Variants in KATNAL2 observed in about 807,000 individuals in gnomAD.
The protein encoded by KATNAL2 is katanin p60 ATPase-containing subunit A-like 2.
Under a neutral mutation model 76.3 loss-of-function variants are expected in KATNAL2, and 52 were observed. That is an observed-to-expected ratio of 0.68 (90% confidence interval 0.55 to 0.86). The LOEUF (loss-of-function observed/expected upper bound fraction) is 0.86. KATNAL2 is among the 40% of genes least tolerant of loss of function. KATNAL2 has a pLI of 0.00. For synonymous variants in KATNAL2, 243 were observed against 244.2 expected (o/e 1.00, Z 0.05); for missense variants, 660 against 668.9 (o/e 0.99, Z 0.15).
intron 3 of KATNAL2, among the ~76,000 whole-genome samples, chr18:47,042,779 CA>C (rs1426217880): frequency 6.6e-6 from 1 of 151,900 alleles, no homozygotes; most frequent in Non-Finnish European, 1.5e-5. Flanking sequence ...AAAAATAAAC[CA>C]GAGAAAAAAT....
At chr18:47,047,234 T>G (rs1343719325) in intron 4 of KATNAL2, among the ~76,000 whole-genome samples, 1 of 152,178 alleles carries the variant, frequency 6.6e-6, no homozygotes, top group Non-Finnish European at 1.5e-5. Flanking sequence ...GACTTATGCT[T>G]TTATTGCCTC....
intron 14 of KATNAL2, 102 bp downstream of exon 14, chr18:47,075,470 A>C (rs2062173274): frequency 1.2e-6 from 1 of 801,438 alleles, no homozygotes; most frequent in African/African-American, 1.8e-5. Flanking sequence ...TTACTAGCAG[A>C]ATGAGCCCAT....
At chr18:47,039,764 G>A (rs190657723) in intron 3 of KATNAL2, among the ~76,000 whole-genome samples, 1 of 152,344 alleles carries the variant, frequency 6.6e-6, no homozygotes, top group African/African-American at 2.4e-5. Context: ...AGGATAGAGA[G>A]ACTCTGAAAT....
rs563463973 is a variant in KATNAL2 at position 47,046,541 on chromosome 18, C to G, written c.122+14C>G. ...AACACAAGAAGGGTATGTTACAGTA[C>G]AAACATTTATAGAGATGATTCCTCT... On this transcript the variant is annotated intron_variant, in intron 4 of 17. Transcript: ENST00000683218. The G allele has an allele frequency of 6.7e-7, 1 of 1,496,912 alleles. No individual in the cohort carries two copies. The highest frequency in any genetic ancestry group is 2.0e-5 in the Admixed American group (1 of 50,896). 92.7% of individuals were successfully genotyped at this position (1,496,912 alleles called of 1,614,324 possible).
At chr18:47,074,427 C>A (rs1183132080) in intron 13 of KATNAL2, among the ~76,000 whole-genome samples, 3 of 152,128 alleles carry the variant, frequency 2.0e-5, no homozygotes, top group Non-Finnish European at 4.4e-5. Flanking sequence ...GAGAATAAAT[C>A]CCCCATGCCT....
At chr18:47,098,194 G>C (rs1001386362) in intron 15 of KATNAL2, 8 of 361,028 alleles carry the variant, frequency 2.2e-5, no homozygotes, top group Admixed American at 3.6e-5. Flanking sequence ...TTGCACTCCA[G>C]CCTGGCGACA....
At chr18:46,932,298 A>T (rs989828218) in intron 1 of KATNAL2, among the ~76,000 whole-genome samples, 1 of 152,338 alleles carries the variant, frequency 6.6e-6, no homozygotes, top group Middle Eastern at 3.4e-3. Context: ...TTCTGCAGAA[A>T]TTTTAAAATA....
intron 1 of KATNAL2, among the ~76,000 whole-genome samples, chr18:46,932,747 A>T (rs2058970454): frequency 6.7e-6 from 1 of 149,730 alleles, no homozygotes; most frequent in South Asian, 2.1e-4. Context: ...TGCCAAAACC[A>T]GGCAAAGGTA....
chr18:47,074,630 G>GT (rs1434567265), intron 13 of KATNAL2, among the ~76,000 whole-genome samples: 4 of 151,926 alleles, frequency 2.6e-5, no homozygotes, highest in African/African-American at 9.7e-5. Flanking sequence ...TTCTTTTGCC[G>GT]GTTGCTTTCC....
intron 15 of KATNAL2, 62 bp downstream of exon 15, chr18:47,077,523 AT>A: frequency 8.3e-7 from 1 of 1,204,214 alleles, no homozygotes; most frequent in Non-Finnish European, 1.2e-6. Context: ...GCAAATAAAA[AT>A]TTTATATTGA....
chr18:46,921,242 C>G (rs1372664687), intron 1 of KATNAL2, among the ~76,000 whole-genome samples: 1 of 152,302 alleles, frequency 6.6e-6, no homozygotes, highest in South Asian at 2.1e-4. Context: ...AATTCTCTGC[C>G]TCAGCCTCCC....
intron 15 of KATNAL2, among the ~76,000 whole-genome samples, chr18:47,084,179 C>A (rs1256523110): frequency 6.6e-6 from 1 of 152,284 alleles, no homozygotes; most frequent in Non-Finnish European, 1.5e-5. Context: ...ATTTGAAACC[C>A]GCCGGGGCAA....
intron 3 of KATNAL2, chr18:47,035,296 G>A (rs746768827): frequency 6.2e-6 from 10 of 1,611,524 alleles, no homozygotes; most frequent in East Asian, 2.2e-5. Context: ...TCGCTGTCCC[G>A]GCGGTCGCAG....
chr18:46,950,824 A>G (rs1276547731), intron 3 of KATNAL2, among the ~76,000 whole-genome samples: 1 of 152,012 alleles, frequency 6.6e-6, no homozygotes, highest in Non-Finnish European at 1.5e-5. Flanking sequence ...AGCTGGGGCT[A>G]CAGGCGCCCA....
chr18:47,083,841 G>A (rs1016116217), intron 15 of KATNAL2, among the ~76,000 whole-genome samples: 1 of 152,218 alleles, frequency 6.6e-6, no homozygotes, highest in Non-Finnish European at 1.5e-5. Context: ...TAAGGCAAAT[G>A]TCATCTTTAA....
rs1394072744 is a variant in KATNAL2, at chr18:47,025,111, C to T, written c.52-21346C>T. Among the ~76,000 whole-genome samples the T allele has an allele frequency of 4.1e-5, 4 of 97,154 alleles. No individual in the cohort carries two copies. In the Admixed American group the frequency reaches 4.5e-4, roughly 11 times the overall value. 63.7% of individuals were successfully genotyped at this position (97,154 alleles called of 152,430 possible). On this transcript the variant is annotated intron_variant, in intron 3 of 17. Transcript: ENST00000683218. ...CCTCTAGCATCTCCCCCCCCCACCC[C>T]GCCCCCAACGGTGGCCATGACCTCT...
At chr18:47,039,662 G>A (rs1446333888) in intron 3 of KATNAL2, among the ~76,000 whole-genome samples, 1 of 152,172 alleles carries the variant, frequency 6.6e-6, no homozygotes, top group Admixed American at 6.5e-5. Flanking sequence ...GGAGCACACA[G>A]AACACTAGCT....
intron 15 of KATNAL2, among the ~76,000 whole-genome samples, chr18:47,086,919 G>A (rs1008032392): frequency 6.6e-6 from 1 of 152,088 alleles, no homozygotes; most frequent in Non-Finnish European, 1.5e-5. Context: ...TGGTTATTCT[G>A]GCATTACCTT....
In KATNAL2 at chr18:47,058,341, C is replaced by G. The variant is rs766530306; in HGVS notation, c.439C>G (p.His147Asp). 1 of 1,607,228 alleles carries G rather than the reference C, an allele frequency of 6.2e-7. No homozygotes were observed. Among genetic ancestry groups the G allele is most frequent in the Non-Finnish European group, 8.5e-7 (1 of 1,173,852 alleles). ...GGACACCAAATCGCTCAATAAGGAG[C>G]ATCCTAATCAGGTCAGGATGGCTTG... ...TGDTKSLNKE[H>D]PNQEVVDNTR... The change falls in exon 7 of 18, where the codon CAT (histidine) becomes GAT (aspartate). Residue 147 changes from histidine (H) to aspartate (D), a missense_variant. Transcript: ENST00000683218.
Sources: allele counts gnomAD v4.1 joint callset (sites outside exome capture counted in the v4.1 genomes callset), GRCh38; gene constraint gnomAD v4.1.1; transcripts MANE v1.5; gene names NCBI Gene and HGNC (gene_info 2026-07-23, HGNC 2026-07-21).